The following SELP variants were observed in gnomAD, a reference collection of about 807,000 sequenced individuals.
SELP encodes the protein P-selectin.
In SELP, 92 loss-of-function variants were observed where a neutral mutation model predicts 104.1. The observed-to-expected ratio is 0.88, with a 90% CI of 0.75 to 1.05. The LOEUF (loss-of-function observed/expected upper bound fraction) is 1.05. Among genes scored for constraint, SELP ranks in the 50% least tolerant of loss-of-function variants. The probability of loss-of-function intolerance (pLI) is 0.00; values close to 1 mark genes in which losing one functional copy is unlikely to be tolerated. For synonymous variants in SELP, 397 were observed against 364.5 expected (o/e 1.09, Z -1.01); for missense variants, 1,022 against 1,017.3 (o/e 1.00, Z -0.06).
chr1:169,613,772 C>T, intron 3 of SELP, 79 bp from the exon 4 acceptor site: 1 of 1,135,734 alleles, frequency 8.8e-7, no homozygotes, highest in Admixed American at 1.8e-5. Flanking sequence ...TGACCACAGA[C>T]TCATCCCCTC....
rs1158245652 is a variant in SELP, at chr1:169,612,348, TG to T, written c.829del (p.His277IlefsTer22). 3.1e-6 allele frequency: 5 copies of T among 1,614,168 alleles called. No homozygotes were observed. The South Asian group carries it at 3.3e-5, about 11-fold the overall frequency. On this transcript the variant is annotated frameshift_variant, in exon 6 of 17. Coordinates refer to ENST00000263686, the MANE Select transcript of SELP (RefSeq NM_003005.4). LOFTEE classifies it high-confidence loss of function. The part of the protein sequence containing the change: ...IPERGNMTCL[H>X]SAKAFQHQSS... The stretch of plus-strand genomic sequence containing the variant: ...CTGATGCTGGAATGCTTTTGCAGAA[TG>T]AAGGCAGGTCATGTTTCCTCGTTCA...
rs199665612 is a variant in SELP at position 169,613,114 on chromosome 1, A to C, written c.590T>G (p.Val197Gly). 6.3e-7 allele frequency: 1 copy of C among 1,577,758 alleles called. No homozygotes were observed. Among genetic ancestry groups the C allele is most frequent in the East Asian group, 2.3e-5 (1 of 44,278 alleles). ...GAGCTCAAGTTCTCCACACTCTCTC[A>C]CTGCAGGAGACAAAATAGTGATTTT... Reference protein sequence around the residue: ...PGFYGPECEYVRECGELELPQ... With the variant: ...PGFYGPECEYGRECGELELPQ... The change falls in exon 5 of 17, where the codon GTG (valine) becomes GGG (glycine). Residue 197 changes from valine (V) to glycine (G), a missense_variant and splice_region_variant. Transcript: ENST00000263686.
At chr1:169,608,242 G>T (rs1374019700) in intron 8 of SELP, among the ~76,000 whole-genome samples, 1 of 150,842 alleles carries the variant, frequency 6.6e-6, no homozygotes, top group Admixed American at 6.6e-5. Flanking sequence ...AATATCAAGT[G>T]TACAGTTCAG....
chr1:169,617,719 C>G (rs1329978601), intron 2 of SELP, among the ~76,000 whole-genome samples: 3 of 152,124 alleles, frequency 2.0e-5, no homozygotes, highest in African/African-American at 7.2e-5. Flanking sequence ...TTACTCCTGT[C>G]CTTTTATAAA....
chr1:169,592,258 A>G (rs1263201113), intron 14 of SELP, among the ~76,000 whole-genome samples: 2 of 152,180 alleles, frequency 1.3e-5, no homozygotes, highest in African/African-American at 4.8e-5. Context: ...TTAGCCACTC[A>G]CAGGAGAGTA....
intron 2 of SELP, 57 bp downstream of exon 2, chr1:169,619,072 G>T: frequency 1.4e-6 from 2 of 1,384,902 alleles, no homozygotes; most frequent in South Asian, 1.2e-5. Context: ...CTCACACATA[G>T]ATCTGGGCTC....
chr1:169,621,079 G>A (rs1175461430), intron 1 of SELP, among the ~76,000 whole-genome samples: 4 of 147,366 alleles, frequency 2.7e-5, no homozygotes, highest in Non-Finnish European at 6.0e-5. Flanking sequence ...TAGGGTGCAT[G>A]GGATGGTGTG....
intron 11 of SELP, 65 bp downstream of exon 11, chr1:169,596,926 A>C: frequency 7.0e-7 from 1 of 1,432,470 alleles, no homozygotes; most frequent in Non-Finnish European, 9.5e-7. Context: ...AGAACTAGAT[A>C]ATTGTTTGTT....
chr1:169,620,680 T>A (rs1663052749), intron 1 of SELP, among the ~76,000 whole-genome samples: 2 of 151,998 alleles, frequency 1.3e-5, no homozygotes, highest in Non-Finnish European at 2.9e-5. Flanking sequence ...TGTGTTCGTG[T>A]GTCATGCCCC....
chr1:169,603,327 G>GTGTA (rs1662017614), intron 9 of SELP, 116 bp from the exon 10 acceptor site: 2 of 719,932 alleles, frequency 2.8e-6, no homozygotes, highest in South Asian at 2.3e-5. Context: ...GTGTGTGTGT[G>GTGTA]TGTGTGTGTG....
At chr1:169,607,646 A>G (rs961200499) in intron 8 of SELP, among the ~76,000 whole-genome samples, 2 of 152,168 alleles carry the variant, frequency 1.3e-5, no homozygotes, top group African/African-American at 2.4e-5. Flanking sequence ...ATACACCATG[A>G]TCTCAAAGAT....
rs1662973178 is a variant in SELP at position 169,619,218 on chromosome 1, G to A, written c.5C>T (p.Ala2Val). 1 of 1,613,240 alleles carries A rather than the reference G, an allele frequency of 6.2e-7. No homozygotes were observed. Among genetic ancestry groups the A allele is most frequent in the African/African-American group, 1.3e-5 (1 of 75,032 alleles). The change falls in exon 2 of 17, where the codon GCC becomes GTC. Residue 2 changes from alanine (A) to valine (V), a missense_variant and splice_region_variant. Coordinates refer to ENST00000263686, the MANE Select transcript of SELP (RefSeq NM_003005.4). Reference sequence around the variant, plus strand: ...GTACAAGATGGCTATTTGGCAGTTGGCCTGAAACAAGAAGAGAAAACTTTC... The same window carrying A: ...GTACAAGATGGCTATTTGGCAGTTGACCTGAAACAAGAAGAGAAAACTTTC... MANCQIAILYQR... is the reference protein window; with the variant it reads MVNCQIAILYQR...
In SELP at chr1:169,594,741, T is replaced by C. The variant is rs767043661; in HGVS notation, c.2238A>G (p.Thr746=). 1.2e-6 allele frequency: 2 copies of C among 1,613,732 alleles called. No individual in the cohort carries two copies. The highest frequency in any genetic ancestry group is 2.2e-5 in the South Asian group (2 of 91,068). The change falls in exon 13 of 17, where the codon ACA becomes ACG. Residue 746 remains threonine, a synonymous_variant. Transcript: ENST00000263686. ...EGQLLNGSAQ[T]ACQENGHWST... ...ACCAGTGGCCATTCTCTTGGCATGC[T>C]GTTTGTGCAGAGCCATTAAGTAACT...
intron 10 of SELP, among the ~76,000 whole-genome samples, chr1:169,599,368 A>AC (rs974016476): frequency 9.9e-5 from 15 of 151,956 alleles, no homozygotes; most frequent in East Asian, 1.9e-4. Context: ...CAAAAAAAAA[A>AC]AAACTCCTGA....
chr1:169,591,733 G>A (rs145626859), intron 14 of SELP, among the ~76,000 whole-genome samples: 13 of 152,292 alleles, frequency 8.5e-5, no homozygotes, highest in African/African-American at 2.9e-4. Context: ...GGCATCTTGT[G>A]TCACTTGCCC....
chr1:169,611,087 C>G (rs759532715), intron 7 of SELP, among the ~76,000 whole-genome samples: 3 of 152,086 alleles, frequency 2.0e-5, no homozygotes, highest in Non-Finnish European at 2.9e-5. Context: ...GCATCACACA[C>G]TTTTTCGATG....
At chr1:169,601,707 C>T (rs1349907288) in intron 10 of SELP, among the ~76,000 whole-genome samples, 1 of 152,116 alleles carries the variant, frequency 6.6e-6, no homozygotes, top group Non-Finnish European at 1.5e-5. Flanking sequence ...TCAGACTAGG[C>T]CTGGGTTTGC....
intron 9 of SELP, among the ~76,000 whole-genome samples, chr1:169,603,617 A>G (rs1394215718): frequency 1.3e-5 from 2 of 152,146 alleles, no homozygotes; most frequent in Non-Finnish European, 2.9e-5. Flanking sequence ...AAACACCCCA[A>G]TGACCTTACC....
chr1:169,625,497 C>A (rs1053565142), intron 1 of SELP, among the ~76,000 whole-genome samples: 1 of 152,172 alleles, frequency 6.6e-6, no homozygotes, highest in Non-Finnish European at 1.5e-5. Flanking sequence ...TTCTCTTGAG[C>A]AGGAGGTCCA....
Sources: gnomAD v4.1 joint callset for allele counts (sites outside exome capture counted in the v4.1 genomes callset) on GRCh38, gnomAD v4.1.1 for gene constraint, MANE v1.5 for transcripts, NCBI Gene and HGNC (gene_info 2026-07-23, HGNC 2026-07-21) for gene names.